The following PADI4 variants were observed in gnomAD, a reference collection of about 807,000 sequenced individuals.
PADI4 encodes the protein protein-arginine deiminase type-4.
PADI4 carries 62 observed loss-of-function variants against 75.0 expected under a neutral mutation model. The observed-to-expected ratio is 0.83, with a 90% CI of 0.67 to 1.02. The LOEUF (loss-of-function observed/expected upper bound fraction) is 1.02, where lower values mean the gene tolerates loss of function less well. PADI4 is among the 50% of genes least tolerant of loss of function. The pLI is 0.00. For synonymous variants in PADI4, 361 were observed against 348.1 expected (o/e 1.04, Z -0.41); for missense variants, 845 against 850.5 (o/e 0.99, Z 0.08).
At chr1:17,315,420 G>C (rs919483242) in intron 1 of PADI4, among the ~76,000 whole-genome samples, 2 of 152,290 alleles carry the variant, frequency 1.3e-5, no homozygotes, top group African/African-American at 4.8e-5. Flanking sequence ...TGTGTGGGAC[G>C]TACTTGGCAC....
At chr1:17,320,677 G>A (rs200490030) in intron 1 of PADI4, among the ~76,000 whole-genome samples, 2 of 152,130 alleles carry the variant, frequency 1.3e-5, no homozygotes, top group East Asian at 3.8e-4. Context: ...CAGTGAGGAC[G>A]ACCAGAAGTC....
chr1:17,356,817 C>T lies in PADI4; in HGVS notation c.1558+358C>T, dbSNP rs2074768245. 6.8e-6 allele frequency among the ~76,000 whole-genome samples: 1 copy of T among 148,078 alleles called. No homozygotes were observed. The highest frequency in any genetic ancestry group is 2.5e-5 in the African/African-American group (1 of 39,824). ...AGGGAAATGAGAGGAAGAGAGATAC[C>T]ACAGGCAGAGGGACGGGGGTGGGGC... On this transcript the variant is annotated intron_variant, in intron 13 of 15. Coordinates refer to ENST00000375448, the MANE Select transcript of PADI4 (RefSeq NM_012387.3). This position sits in a 1 kb window ranked among gnomAD's most constrained non-coding sequence, Gnocchi z 4.1.
intron 2 of PADI4, among the ~76,000 whole-genome samples, chr1:17,333,621 C>T (rs544228709): frequency 6.6e-6 from 1 of 151,926 alleles, no homozygotes; most frequent in East Asian, 1.9e-4. Context: ...TCTCTAGCGC[C>T]TCTTCTGCCC....
intron 1 of PADI4, among the ~76,000 whole-genome samples, chr1:17,324,515 T>C (rs71644033): frequency 0.083 from 12,617 of 152,260 alleles, 690 homozygotes; most frequent in South Asian, 0.19. Context: ...TTTTAAAAAA[T>C]AGAAACAGGG....
At chr1:17,314,866 T>G (rs1225309980) in intron 1 of PADI4, among the ~76,000 whole-genome samples, 1 of 152,246 alleles carries the variant, frequency 6.6e-6, no homozygotes, top group Non-Finnish European at 1.5e-5. Context: ...CACAAGCACA[T>G]GCTGTGCCCT....
rs774326376 is a variant in PADI4 at position 17,358,828 on chromosome 1, T to A, written c.1559-10T>A. The A allele has an allele frequency of 1.3e-6, 2 of 1,582,328 alleles. No individual in the cohort carries two copies. The highest frequency in any genetic ancestry group is 1.7e-6 in the Non-Finnish European group (2 of 1,158,494). On this transcript the variant is annotated splice_polypyrimidine_tract_variant and intron_variant, in intron 13 of 15. Coordinates refer to ENST00000375448, the MANE Select transcript of PADI4 (RefSeq NM_012387.3). Reference sequence around the variant, plus strand: ...TTCATTTGCCTTTTTTTTCTTTTTCTCCATGACAGAAAAAAAACAGCAGAA... The same window carrying A: ...TTCATTTGCCTTTTTTTTCTTTTTCACCATGACAGAAAAAAAACAGCAGAA...
intron 13 of PADI4, 30 bp from the exon 14 acceptor site, chr1:17,358,808 T>G (rs1042279456): frequency 2.0e-6 from 3 of 1,497,124 alleles, no homozygotes; most frequent in Non-Finnish European, 1.8e-6. Context: ...CTAAGTTCAT[T>G]TGCCTTTTTT....
intron 3 of PADI4, among the ~76,000 whole-genome samples, chr1:17,335,008 T>C (rs558003396): frequency 2.6e-5 from 4 of 151,894 alleles, no homozygotes; most frequent in African/African-American, 9.7e-5. Context: ...CTGAGCATGG[T>C]GGCATGTGCC....
At chr1:17,337,222 C>T (rs898773112) in intron 4 of PADI4, among the ~76,000 whole-genome samples, 15 of 152,078 alleles carry the variant, frequency 9.9e-5, no homozygotes, top group African/African-American at 3.4e-4. Flanking sequence ...GGCGGTTCAC[C>T]GCAACCTCCG....
intron 1 of PADI4, among the ~76,000 whole-genome samples, chr1:17,322,485 TCCCCC>T (rs34016518): frequency 0.013 from 1,679 of 126,536 alleles, 38 homozygotes; most frequent in African/African-American, 0.046. Flanking sequence ...TGAGACTCCA[TCCCCC>T]CCCAAAAAAA....
chr1:17,339,362 G>A (rs1029347481), intron 5 of PADI4, among the ~76,000 whole-genome samples: 15 of 152,158 alleles, frequency 9.9e-5, no homozygotes, highest in Non-Finnish European at 2.2e-4. Flanking sequence ...CATTGTTCTA[G>A]GGAGTTCTCG....
intron 1 of PADI4, among the ~76,000 whole-genome samples, chr1:17,318,835 G>A (rs551443667): frequency 6.6e-5 from 10 of 151,892 alleles, no homozygotes; most frequent in African/African-American, 2.2e-4. Flanking sequence ...ACAGGCACCC[G>A]CCACAACTCC....
intron 1 of PADI4, among the ~76,000 whole-genome samples, chr1:17,312,257 C>T (rs10888017): frequency 0.3 from 45,542 of 151,614 alleles, 6,966 homozygotes; most frequent in South Asian, 0.39. Flanking sequence ...GTCAGGAGTT[C>T]GAAACCAGCC....
intron 1 of PADI4, among the ~76,000 whole-genome samples, chr1:17,330,377 G>A (rs1165526572): frequency 6.6e-6 from 1 of 152,180 alleles, no homozygotes; most frequent in Non-Finnish European, 1.5e-5. Context: ...GTGTGTGTGT[G>A]TGAGAGAGAG....
intron 8 of PADI4, among the ~76,000 whole-genome samples, chr1:17,345,340 C>T (rs981948729): frequency 6.6e-6 from 1 of 152,176 alleles, no homozygotes; most frequent in Non-Finnish European, 1.5e-5. Context: ...TGCCCTGTCT[C>T]AGATGAGATT....
chr1:17,313,557 A>G (rs2073880167), intron 1 of PADI4, among the ~76,000 whole-genome samples: 1 of 151,676 alleles, frequency 6.6e-6, no homozygotes, highest in South Asian at 2.1e-4. Context: ...GGAAAGAAAG[A>G]AAGAAAATGG....
intron 5 of PADI4, among the ~76,000 whole-genome samples, chr1:17,339,095 CAG>C (rs1378538665): frequency 1.3e-5 from 2 of 152,300 alleles, no homozygotes; most frequent in South Asian, 4.1e-4. Context: ...GATGAGGAAA[CAG>C]AGGCAGAGAA....
rs1473155463 is a variant in PADI4, at chr1:17,363,594, T to C, written c.1831T>C (p.Cys611Arg). The change falls in exon 16 of 16, where the codon TGC (cysteine) becomes CGC (arginine). Residue 611 changes from cysteine to arginine, a missense_variant. Physicochemically the swap from Cys to Arg is radical, Grantham distance 180. Coordinates refer to ENST00000375448, the MANE Select transcript of PADI4 (RefSeq NM_012387.3). ...PFGPVINGRC[C>R]LEEKVCSLLE... ...CGGGCCCGTCATCAACGGCCGCTGCTGCCTGGAGGAGAAGGTGTGTTCCCT... is the reference window on the plus strand; with the variant it reads ...CGGGCCCGTCATCAACGGCCGCTGCCGCCTGGAGGAGAAGGTGTGTTCCCT... 2.5e-6 allele frequency: 4 copies of C among 1,614,068 alleles called. No homozygotes were observed. The highest frequency in any genetic ancestry group is 1.3e-5 in the African/African-American group (1 of 74,954).
chr1:17,349,110 A>C (rs2074574324), intron 10 of PADI4, among the ~76,000 whole-genome samples: 2 of 152,202 alleles, frequency 1.3e-5, no homozygotes, highest in African/African-American at 2.4e-5. Flanking sequence ...TTGGATTCAC[A>C]GTGTGTACTC....
Sources: allele counts gnomAD v4.1 joint callset (sites outside exome capture counted in the v4.1 genomes callset), GRCh38; gene constraint gnomAD v4.1.1; non-coding constraint Gnocchi (gnomAD v3.1); transcripts MANE v1.5; gene names NCBI Gene and HGNC (gene_info 2026-07-23, HGNC 2026-07-21).